MCTP2: variants seen among roughly 807,000 people sequenced by gnomAD.
The protein encoded by MCTP2 is multiple C2 and transmembrane domain-containing protein 2.
MCTP2 carries 132 observed loss-of-function variants against 111.6 expected under a neutral mutation model. The observed-to-expected ratio is 1.18, with a 90% CI of 1.03 to 1.37. The LOEUF is 1.37. Ranked by LOEUF, MCTP2 falls within the 40% of genes most tolerant of loss-of-function variation. The pLI is 0.00. For missense variants in MCTP2, 1,183 were observed against 1,067.9 expected (o/e 1.11, Z -1.50); for synonymous variants, 395 against 387.7 (o/e 1.02, Z -0.22).
At chr15:94,338,193 G>A (rs1325639317) in intron 4 of MCTP2, among the ~76,000 whole-genome samples, 1 of 152,060 alleles carries the variant, frequency 6.6e-6, no homozygotes, top group African/African-American at 2.4e-5. Context: ...TACTGTCCAA[G>A]GCACAGGGGA....
intron 20 of MCTP2, among the ~76,000 whole-genome samples, chr15:94,467,126 T>TTC (rs2073411152): frequency 2.0e-5 from 3 of 152,226 alleles, no homozygotes; most frequent in Non-Finnish European, 1.5e-5. Flanking sequence ...TAGATGCAGT[T>TTC]ATTATTCCTG....
chr15:94,295,962 A>T (rs2075255760), intron 1 of MCTP2, among the ~76,000 whole-genome samples: 1 of 151,658 alleles, frequency 6.6e-6, no homozygotes, highest in South Asian at 2.1e-4. Context: ...TGGAATTTGT[A>T]TAAATTCTTT....
intron 19 of MCTP2, among the ~76,000 whole-genome samples, chr15:94,450,575 A>G (rs905384494): frequency 6.6e-6 from 1 of 152,216 alleles, no homozygotes; most frequent in Non-Finnish European, 1.5e-5. Flanking sequence ...TAATTCTTCA[A>G]GTTTTCAAAT....
At chr15:94,386,354 A>G (rs535015173) in intron 14 of MCTP2, among the ~76,000 whole-genome samples, 8 of 152,324 alleles carry the variant, frequency 5.3e-5, no homozygotes, top group Non-Finnish European at 1.2e-4. Flanking sequence ...ATTTTTTCCA[A>G]GCTATCTGTG....
intron 14 of MCTP2, among the ~76,000 whole-genome samples, chr15:94,390,072 A>ATATACATG (rs2080809128): frequency 6.0e-5 from 1 of 16,646 alleles, no homozygotes; most frequent in African/African-American, 1.5e-4. Context: ...ATATATATAT[A>ATATACATG]TATATATATA....
intron 1 of MCTP2, among the ~76,000 whole-genome samples, chr15:94,266,080 G>GCA (rs58424468): frequency 0.32 from 47,791 of 151,402 alleles, 7,736 homozygotes; most frequent in Admixed American, 0.39. Context: ...GCGTGTGCGC[G>GCA]CACACACACA....
intron 2 of MCTP2, among the ~76,000 whole-genome samples, chr15:94,301,241 T>C (rs552644859): frequency 1.3e-5 from 2 of 152,164 alleles, no homozygotes; most frequent in Non-Finnish European, 2.9e-5. Flanking sequence ...CTGGGTGGCA[T>C]GCTTGCAGAG....
rs972136289 is a variant in MCTP2 at position 94,238,685 on chromosome 15, G to A, written c.-66+7021G>A. Among the ~76,000 whole-genome samples the A allele has an allele frequency of 2.0e-5, 3 of 152,164 alleles. No homozygotes were observed. The East Asian group carries it at 5.8e-4, about 29-fold the overall frequency. On this transcript the variant is annotated intron_variant, in intron 1 of 22. Transcript: ENST00000357742. The stretch of plus-strand genomic sequence containing the variant: ...GTGATTACAATGAAGCGTGCTGTTC[G>A]TTAAGGGTGAGGGACAGGGTGCTAT...
At chr15:94,241,786 T>TAA (rs776625311) in intron 1 of MCTP2, among the ~76,000 whole-genome samples, 21 of 147,620 alleles carry the variant, frequency 1.4e-4, no homozygotes, top group African/African-American at 5.2e-4. Flanking sequence ...ATACCCACTT[T>TAA]AAAAAAAAAA....
At chr15:94,386,399 A>T (rs929851619) in intron 14 of MCTP2, among the ~76,000 whole-genome samples, 2 of 152,206 alleles carry the variant, frequency 1.3e-5, no homozygotes, top group Non-Finnish European at 2.9e-5. Context: ...TAATTTAACC[A>T]TGAGATTAGC....
At chr15:94,248,636 C>G (rs1259589284) in intron 1 of MCTP2, among the ~76,000 whole-genome samples, 1 of 152,208 alleles carries the variant, frequency 6.6e-6, no homozygotes, top group African/African-American at 2.4e-5. Context: ...ATTCTGCCCG[C>G]TTGTGTCAAG....
chr15:94,376,635 T>A lies in MCTP2; in HGVS notation c.1582+6455T>A, dbSNP rs183919104. On this transcript the variant is annotated intron_variant, in intron 12 of 22. Coordinates refer to ENST00000357742, the MANE Select transcript of MCTP2 (RefSeq NM_001385001.1). ...TATATTTGATACGTGAAGAACTGTATAGGTTGTTTTGTTCACATATTGTTT... is the reference window on the plus strand; with the variant it reads ...TATATTTGATACGTGAAGAACTGTAAAGGTTGTTTTGTTCACATATTGTTT... 1.1e-4 allele frequency among the ~76,000 whole-genome samples: 16 copies of A among 152,344 alleles called. No individual in the cohort carries two copies. In the East Asian group the frequency reaches 3.1e-3, roughly 29 times the overall value.
At chr15:94,461,564 G>C (rs932193388) in intron 20 of MCTP2, among the ~76,000 whole-genome samples, 1 of 152,182 alleles carries the variant, frequency 6.6e-6, no homozygotes, top group Non-Finnish European at 1.5e-5. Flanking sequence ...ATTATGGAGT[G>C]AGGGCTCTAA....
chr15:94,321,620 C>T (rs1424605782), intron 4 of MCTP2, among the ~76,000 whole-genome samples: 1 of 152,190 alleles, frequency 6.6e-6, no homozygotes, highest in Non-Finnish European at 1.5e-5. Context: ...TAACTTGTGT[C>T]AGTTTGCCAA....
intron 1 of MCTP2, among the ~76,000 whole-genome samples, chr15:94,262,349 A>G (rs1295655934): frequency 3.3e-5 from 5 of 152,180 alleles, no homozygotes; most frequent in African/African-American, 1.2e-4. Context: ...ATCTTTTAGC[A>G]ATTTATAAAG....
intron 19 of MCTP2, among the ~76,000 whole-genome samples, chr15:94,445,605 G>A (rs916197523): frequency 2.0e-5 from 3 of 152,226 alleles, no homozygotes; most frequent in African/African-American, 7.2e-5. Context: ...GTGCAGATCA[G>A]CTTCTCCCAC....
intron 17 of MCTP2, among the ~76,000 whole-genome samples, chr15:94,439,097 T>C (rs60496837): frequency 0.17 from 25,637 of 152,166 alleles, 2,216 homozygotes; most frequent in East Asian, 0.29. Flanking sequence ...ATGTAAATTA[T>C]TTGCTTTTAT....
chr15:94,272,659 C>T (rs958103014), intron 1 of MCTP2, among the ~76,000 whole-genome samples: 1 of 152,070 alleles, frequency 6.6e-6, no homozygotes, highest in Non-Finnish European at 1.5e-5. Context: ...GACTGTTGAC[C>T]ACTTCCTCTA....
intron 1 of MCTP2, among the ~76,000 whole-genome samples, chr15:94,244,136 ATGCATATGTGTATATGTTTAT>A (rs2071471072): frequency 4.8e-5 from 7 of 144,834 alleles, no homozygotes; most frequent in African/African-American, 1.9e-4. Flanking sequence ...ATGTATACAC[ATGCATATGTGTATATGTTTAT>A]ATACACGTGT....
Sources: gnomAD v4.1 joint callset for allele counts (sites outside exome capture counted in the v4.1 genomes callset) on GRCh38, gnomAD v4.1.1 for gene constraint, MANE v1.5 for transcripts, NCBI Gene and HGNC (gene_info 2026-07-23, HGNC 2026-07-21) for gene names.